Variants in TRERF1 observed in about 807,000 individuals in gnomAD.
TRERF1 encodes transcriptional-regulating factor 1.
A neutral mutation model predicts 122.9 loss-of-function variants in TRERF1; 27 were observed. That is an observed-to-expected ratio of 0.22 (90% confidence interval 0.16 to 0.30). The LOEUF is 0.30. Ranked by LOEUF, TRERF1 falls within the 10% of genes least tolerant of loss-of-function variation. The probability of loss-of-function intolerance (pLI) is 1.00; values close to 1 mark genes in which losing one functional copy is unlikely to be tolerated. For synonymous variants in TRERF1, 636 were observed against 641.7 expected, an observed-to-expected ratio of 0.99 and a Z score of 0.13; for missense variants, 1,248 against 1,560.3, an observed-to-expected ratio of 0.80 and a Z score of 3.37.
chr6:42,291,597 A>G (rs553823911), intron 4 of TRERF1, among the ~76,000 whole-genome samples: 1 of 152,072 alleles, frequency 6.6e-6, no homozygotes, highest in Non-Finnish European at 1.5e-5. Context: ...GCAGTGGCAC[A>G]ATCTCGGCTC....
At chr6:42,264,896 A>C in intron 6 of TRERF1, 42 bp from the exon 7 acceptor site, 1 of 1,605,314 alleles carries the variant, frequency 6.2e-7, no homozygotes, top group Non-Finnish European at 8.5e-7. Context: ...ACATACGTTG[A>C]GGAAGGGGAA....
At chr6:42,306,816 A>AACGAGT (rs1300062779) in intron 3 of TRERF1, among the ~76,000 whole-genome samples, 1 of 152,198 alleles carries the variant, frequency 6.6e-6, no homozygotes, top group Non-Finnish European at 1.5e-5. Context: ...TTAATCAATT[A>AACGAGT]TGTGATTAAC....
intron 2 of TRERF1, among the ~76,000 whole-genome samples, chr6:42,439,735 G>A (rs780292186): frequency 3.3e-5 from 5 of 152,138 alleles, no homozygotes; most frequent in East Asian, 1.9e-4. Flanking sequence ...TTCTTGGACC[G>A]CCTGGCCTTC....
intron 4 of TRERF1, among the ~76,000 whole-genome samples, chr6:42,293,960 C>G (rs1204191430): frequency 6.6e-6 from 1 of 152,146 alleles, no homozygotes; most frequent in Non-Finnish European, 1.5e-5. Context: ...TGTCCCAGGA[C>G]ACTGAACAAT....
At chr6:42,324,665 T>C (rs1436050187) in intron 3 of TRERF1, among the ~76,000 whole-genome samples, 1 of 152,210 alleles carries the variant, frequency 6.6e-6, no homozygotes, top group East Asian at 1.9e-4. Context: ...AACTCCCTAT[T>C]CAATAAATAG....
intron 2 of TRERF1, among the ~76,000 whole-genome samples, chr6:42,386,554 G>A (rs1314022779): frequency 6.6e-6 from 1 of 152,206 alleles, no homozygotes; most frequent in African/African-American, 2.4e-5. Flanking sequence ...TGTAGCACTT[G>A]GCATGGAGCG....
rs1175353114 is a variant in TRERF1 at position 42,264,914 on chromosome 6, C to T, written c.1485-60G>A. 4.0e-5 allele frequency: 63 copies of T among 1,585,946 alleles called. 1 individual carries two copies. In the South Asian group the frequency reaches 6.1e-4, roughly 15 times the overall value. On this transcript the variant is annotated intron_variant, in intron 6 of 17. Transcript: ENST00000372922. ...TACGTTGAGGAAGGGGAAACAGTGA[C>T]TTGCCACAAGACCTCATACCCACCA...
intron 4 of TRERF1, among the ~76,000 whole-genome samples, chr6:42,298,136 T>C (rs892466504): frequency 1.3e-5 from 2 of 151,782 alleles, no homozygotes; most frequent in Non-Finnish European, 2.9e-5. Context: ...AGATAGTTGT[T>C]GTTTTTTTTT....
intron 2 of TRERF1, among the ~76,000 whole-genome samples, chr6:42,386,982 C>T (rs1396369542): frequency 2.0e-5 from 3 of 152,178 alleles, no homozygotes; most frequent in African/African-American, 7.2e-5. Flanking sequence ...ATCATCACCA[C>T]CATCACCAAT....
At chr6:42,447,562 C>A (rs1490683281) in intron 2 of TRERF1, among the ~76,000 whole-genome samples, 2 of 152,190 alleles carry the variant, frequency 1.3e-5, no homozygotes, top group African/African-American at 4.8e-5. Context: ...TTAATCCTTC[C>A]TCCTCCCTCA....
chr6:42,314,668 G>GCCC (rs1167230407), intron 3 of TRERF1, among the ~76,000 whole-genome samples: 7 of 152,310 alleles, frequency 4.6e-5, no homozygotes, highest in Non-Finnish European at 7.3e-5. Context: ...GTAGGAAATA[G>GCCC]TCAGGGAAGC....
At chr6:42,326,966 G>A (rs976856129) in intron 3 of TRERF1, among the ~76,000 whole-genome samples, 2 of 152,092 alleles carry the variant, frequency 1.3e-5, no homozygotes, top group African/African-American at 4.8e-5. Flanking sequence ...AATCCTACTG[G>A]CCAGGTGTAG....
chr6:42,388,912 G>A (rs1315220167), intron 2 of TRERF1, among the ~76,000 whole-genome samples: 3 of 152,116 alleles, frequency 2.0e-5, no homozygotes, highest in Non-Finnish European at 4.4e-5. Flanking sequence ...AGGTATCCAA[G>A]TCATGGGCCC....
chr6:42,300,187 C>T (rs749691855), intron 4 of TRERF1, among the ~76,000 whole-genome samples: 9 of 152,234 alleles, frequency 5.9e-5, no homozygotes, highest in Non-Finnish European at 1.2e-4. Context: ...AACTGTCCAA[C>T]ACTGGCTGGA....
intron 4 of TRERF1, among the ~76,000 whole-genome samples, chr6:42,298,684 A>C (rs1785513523): frequency 6.6e-6 from 1 of 151,756 alleles, no homozygotes; most frequent in South Asian, 2.1e-4. Flanking sequence ...TCATGCCTGT[A>C]ATCCCAGCAC....
intron 3 of TRERF1, among the ~76,000 whole-genome samples, chr6:42,316,824 T>C (rs1406213544): frequency 6.6e-6 from 1 of 152,096 alleles, no homozygotes; most frequent in African/African-American, 2.4e-5. Context: ...GCCATTCCCC[T>C]CCACCGCCCC....
rs1778053660 is a variant in TRERF1, at chr6:42,393,215, G to A, written c.-453-30136C>T. Among the ~76,000 whole-genome samples, 1 of 152,162 alleles carries A rather than the reference G, an allele frequency of 6.6e-6. No individual in the cohort carries two copies. The highest frequency in any genetic ancestry group is 6.5e-5 in the Admixed American group (1 of 15,284). ...ACTTCAGGTTACAAAGCACATCAGA[G>A]GTCATTACTGTATTTCATCCTCACC... On this transcript the variant is annotated intron_variant, in intron 2 of 17. Transcript: ENST00000372922. The surrounding 1 kb of genome is among the most constrained non-coding windows in gnomAD (Gnocchi z 4.1).
At chr6:42,279,299 C>G (rs1276001597) in intron 4 of TRERF1, among the ~76,000 whole-genome samples, 1 of 152,136 alleles carries the variant, frequency 6.6e-6, no homozygotes, top group African/African-American at 2.4e-5. Context: ...ACTCCTGCCC[C>G]CAAGAACTTG....
chr6:42,407,406 CA>C (rs1202592929), intron 2 of TRERF1, among the ~76,000 whole-genome samples: 1 of 152,178 alleles, frequency 6.6e-6, no homozygotes, highest in Non-Finnish European at 1.5e-5. Flanking sequence ...GATCTGCCCC[CA>C]AACTACAGAC....
Sources: gnomAD v4.1 joint callset for allele counts (sites outside exome capture counted in the v4.1 genomes callset) on GRCh38, gnomAD v4.1.1 for gene constraint, Gnocchi (gnomAD v3.1) non-coding constraint, MANE v1.5 for transcripts, NCBI Gene and HGNC (gene_info 2026-07-23, HGNC 2026-07-21) for gene names.